Variants in CPVL observed in about 807,000 individuals in gnomAD.
The protein encoded by CPVL is carboxypeptidase vitellogenic like.
CPVL carries 51 observed loss-of-function variants against 63.7 expected under a neutral mutation model. The ratio of observed to expected loss-of-function variants is 0.80; its 90% CI spans 0.64 to 1.01. The LOEUF is 1.01. CPVL is among the 50% of genes least tolerant of loss of function. The pLI, the probability that CPVL is intolerant of heterozygous loss-of-function variation, is 0.00. For missense variants in CPVL, 530 were observed against 573.1 expected, an observed-to-expected ratio of 0.92 and a Z score of 0.77; for synonymous variants, 195 against 206.0, an observed-to-expected ratio of 0.95 and a Z score of 0.46.
At chr7:29,011,411 A>C (rs1485011604) in intron 12 of CPVL, 1 of 152,280 alleles carries the variant, frequency 6.6e-6, no homozygotes, top group South Asian at 2.1e-4. Context: ...CCATCTCTAC[A>C]AGAAAATACA....
chr7:29,177,890 A>T (rs1283529442), intron 5 of CPVL, among the ~76,000 whole-genome samples: 3 of 152,158 alleles, frequency 2.0e-5, no homozygotes, highest in African/African-American at 7.2e-5. Flanking sequence ...GACATTTCAT[A>T]GGTGCCTCAA....
chr7:29,092,931 C>T (rs1785975341), intron 5 of CPVL, among the ~76,000 whole-genome samples: 1 of 152,114 alleles, frequency 6.6e-6, no homozygotes, highest in South Asian at 2.1e-4. Flanking sequence ...AGAGCTTTGC[C>T]CTGGGGTCAG....
At chr7:29,112,646 T>C (rs1403583071) in intron 3 of CPVL, 58 bp downstream of exon 3, 11 of 1,115,938 alleles carry the variant, frequency 9.9e-6, no homozygotes, top group South Asian at 2.5e-5. Context: ...CTAACATTTC[T>C]ACCCTCAAAC....
intron 1 of CPVL, among the ~76,000 whole-genome samples, chr7:29,130,471 T>C (rs910522169): frequency 6.6e-6 from 1 of 152,190 alleles, no homozygotes; most frequent in Non-Finnish European, 1.5e-5. Context: ...CTGGGTTAAA[T>C]ACAATTAAAT....
chr7:29,042,432 C>T (rs2128165321), intron 11 of CPVL, among the ~76,000 whole-genome samples: 1 of 152,034 alleles, frequency 6.6e-6, no homozygotes. Context: ...GCAATATCCT[C>T]TCTCTACAAA....
intron 1 of CPVL, among the ~76,000 whole-genome samples, chr7:29,144,440 A>G (rs1441195991): frequency 1.3e-5 from 2 of 152,118 alleles, no homozygotes; most frequent in African/African-American, 4.8e-5. Flanking sequence ...GTACACCTGT[A>G]ATTCCAGCTA....
intron 1 of CPVL, chr7:29,122,485 TTGG>T (rs1325983024): frequency 2.0e-5 from 3 of 152,234 alleles, no homozygotes; most frequent in African/African-American, 7.2e-5. Flanking sequence ...TTGCTGGTTC[TTGG>T]TAAAACGACT....
chr7:29,035,855 A>T (rs1223446503), intron 11 of CPVL, among the ~76,000 whole-genome samples: 1 of 152,196 alleles, frequency 6.6e-6, no homozygotes, highest in African/African-American at 2.4e-5. Flanking sequence ...GGAGTTGTCA[A>T]TCACAGTGTC....
intron 3 of CPVL, among the ~76,000 whole-genome samples, chr7:29,100,969 C>T (rs1378540830): frequency 6.6e-6 from 1 of 152,086 alleles, no homozygotes. Flanking sequence ...AGCATGCAGA[C>T]TTTTGTAATA....
At chr7:29,162,435 G>T (rs547745796) in intron 5 of CPVL, among the ~76,000 whole-genome samples, 2 of 152,248 alleles carry the variant, frequency 1.3e-5, no homozygotes, top group South Asian at 4.2e-4. Flanking sequence ...GCCAAAGCGG[G>T]CAGATCACCT....
At chr7:29,095,772 A>C (rs1263172134) in intron 4 of CPVL, among the ~76,000 whole-genome samples, 1 of 152,156 alleles carries the variant, frequency 6.6e-6, no homozygotes, top group Non-Finnish European at 1.5e-5. Context: ...TTAAGAATAT[A>C]ATTCCACCCA....
intron 1 of CPVL, among the ~76,000 whole-genome samples, chr7:29,141,659 G>A (rs1791896038): frequency 6.6e-6 from 1 of 152,164 alleles, no homozygotes; most frequent in Admixed American, 6.5e-5. Flanking sequence ...GCTCACGCCT[G>A]TAATCCCAGC....
At chr7:29,053,440 G>A (rs867012466) in intron 11 of CPVL, among the ~76,000 whole-genome samples, 3 of 152,250 alleles carry the variant, frequency 2.0e-5, no homozygotes, top group Middle Eastern at 3.4e-3. Flanking sequence ...GCTATAACAT[G>A]TATGAACCCT....
intron 7 of CPVL, among the ~76,000 whole-genome samples, chr7:29,086,273 A>G (rs1359648100): frequency 2.7e-5 from 4 of 147,434 alleles, no homozygotes; most frequent in African/African-American, 7.4e-5. Context: ...GCCCTTGGCA[A>G]CAAGAGCAAA....
Position 29,190,936 on chromosome 7 carries a change from C to CTT in CPVL, c.-448+4139_-448+4140dup, listed in dbSNP as rs796284400. Among the ~76,000 whole-genome samples the CTT allele has an allele frequency of 5.7e-3, 825 of 144,950 alleles. 8 individuals are homozygous for CTT. Among genetic ancestry groups the CTT allele is most frequent in the African/African-American group, 0.02 (783 of 39,662 alleles). ...AAACAAGGATCCTGCCCCCACCATG[C>CTT]TTTTTTTTTTTTCCCTGAGACAGGG... On this transcript the variant is annotated intron_variant, in intron 1 of 16. Transcript: ENST00000409850.
At chr7:29,189,874 C>G (rs1782670940) in intron 1 of CPVL, among the ~76,000 whole-genome samples, 2 of 152,212 alleles carry the variant, frequency 1.3e-5, no homozygotes, top group Non-Finnish European at 2.9e-5. Flanking sequence ...AATACCTGTG[C>G]CTGCGTCGTG....
chr7:29,025,076 T>C (rs529898991), intron 12 of CPVL, among the ~76,000 whole-genome samples: 4 of 152,160 alleles, frequency 2.6e-5, no homozygotes, highest in Non-Finnish European at 5.9e-5. Context: ...CTATCAGTAA[T>C]AACTTTGAAT....
chr7:29,072,454 C>A, intron 7 of CPVL, 31 bp from the exon 8 acceptor site: 1 of 1,606,184 alleles, frequency 6.2e-7, no homozygotes, highest in Non-Finnish European at 8.5e-7. Flanking sequence ...AATGGCCAAT[C>A]ACAAATGGAT....
chr7:29,182,974 C>G (rs1435668799), intron 4 of CPVL, among the ~76,000 whole-genome samples: 3 of 151,846 alleles, frequency 2.0e-5, no homozygotes, highest in Non-Finnish European at 4.4e-5. Context: ...AGGAAAGATT[C>G]TTGGGTTAAA....
Sources: allele counts gnomAD v4.1 joint callset (sites outside exome capture counted in the v4.1 genomes callset), GRCh38; gene constraint gnomAD v4.1.1; transcripts MANE v1.5; gene names NCBI Gene and HGNC (gene_info 2026-07-23, HGNC 2026-07-21).